Variants in TMEM132C observed in about 807,000 individuals in gnomAD.
TMEM132C encodes the protein transmembrane protein 132C.
Under a neutral mutation model 61.4 loss-of-function variants are expected in TMEM132C, and 29 were observed. The observed-to-expected ratio is 0.47, with a 90% CI of 0.35 to 0.64. The LOEUF is 0.64. Among genes scored for constraint, TMEM132C ranks in the 30% least tolerant of loss-of-function variants. The probability of loss-of-function intolerance (pLI) is 0.00; values close to 1 mark genes in which losing one functional copy is unlikely to be tolerated. For synonymous variants in TMEM132C, 656 were observed against 633.1 expected, an observed-to-expected ratio of 1.04 and a Z score of -0.54; for missense variants, 1,408 against 1,476.9, an observed-to-expected ratio of 0.95 and a Z score of 0.76.
Position 128,311,606 on chromosome 12 carries a change from A to C in TMEM132C, c.85+44119A>C, listed in dbSNP as rs983345884. Reference sequence around the variant, plus strand: ...GCCCAGAGGTGCGCTTAGCTCACCCACAGTACTTTCAGAACAGTTCTTTGT... The same window carrying C: ...GCCCAGAGGTGCGCTTAGCTCACCCCCAGTACTTTCAGAACAGTTCTTTGT... On this transcript the variant is annotated intron_variant, in intron 1 of 8. Coordinates refer to ENST00000435159, the MANE Select transcript of TMEM132C (RefSeq NM_001136103.3). 3.3e-5 allele frequency among the ~76,000 whole-genome samples: 5 copies of C among 152,344 alleles called. No homozygotes were observed. The East Asian group carries it at 9.7e-4, about 29-fold the overall frequency.
chr12:128,309,924 C>G (rs1378365061), intron 1 of TMEM132C, among the ~76,000 whole-genome samples: 1 of 151,914 alleles, frequency 6.6e-6, no homozygotes. Context: ...TTAGTAGAGA[C>G]GGGGTTTCAC....
At chr12:128,322,084 C>A (rs1872354151) in intron 1 of TMEM132C, among the ~76,000 whole-genome samples, 2 of 152,222 alleles carry the variant, frequency 1.3e-5, no homozygotes, top group Admixed American at 1.3e-4. Context: ...TCCTCTCGAA[C>A]CTGAGATGTT....
At chr12:128,406,080 T>G (rs1875334062) in intron 1 of TMEM132C, among the ~76,000 whole-genome samples, 1 of 152,200 alleles carries the variant, frequency 6.6e-6, no homozygotes, top group East Asian at 1.9e-4. Flanking sequence ...CCTTAACACC[T>G]CTGATGCACT....
intron 3 of TMEM132C, among the ~76,000 whole-genome samples, chr12:128,549,626 G>C (rs925462260): frequency 1.3e-5 from 2 of 152,142 alleles, no homozygotes; most frequent in Non-Finnish European, 2.9e-5. Flanking sequence ...GATACTTAAA[G>C]ACTGTCCCAA....
At chr12:128,633,778 G>A (rs1954080347) in intron 4 of TMEM132C, among the ~76,000 whole-genome samples, 1 of 152,156 alleles carries the variant, frequency 6.6e-6, no homozygotes, top group African/African-American at 2.4e-5. Flanking sequence ...TGAGTCAAGT[G>A]TGAGTGGAGA....
intron 1 of TMEM132C, among the ~76,000 whole-genome samples, chr12:128,396,155 A>G (rs139328852): frequency 9.0e-4 from 136 of 150,920 alleles, no homozygotes; most frequent in African/African-American, 2.8e-3. Context: ...AAGAAAACAT[A>G]ATTATTACAA....
intron 1 of TMEM132C, among the ~76,000 whole-genome samples, chr12:128,308,174 G>T (rs2135924607): frequency 6.6e-6 from 1 of 152,324 alleles, no homozygotes; most frequent in South Asian, 2.1e-4. Flanking sequence ...AGCAGCCTAT[G>T]GTTCTAGTGG....
chr12:128,607,930 G>T (rs914955452), intron 3 of TMEM132C, among the ~76,000 whole-genome samples: 1 of 152,100 alleles, frequency 6.6e-6, no homozygotes, highest in Non-Finnish European at 1.5e-5. Context: ...TTGTGGTCAC[G>T]CTCTCCCATA....
intron 8 of TMEM132C, among the ~76,000 whole-genome samples, chr12:128,701,030 G>A (rs139637177): frequency 6.5e-4 from 99 of 152,316 alleles, no homozygotes; most frequent in African/African-American, 2.3e-3. Flanking sequence ...AAGGGCAGCC[G>A]GAGCTCCTGT....
intron 4 of TMEM132C, among the ~76,000 whole-genome samples, chr12:128,620,556 C>A (rs1416738882): frequency 1.3e-5 from 2 of 152,150 alleles, no homozygotes; most frequent in African/African-American, 4.8e-5. Context: ...AAACAAAAAA[C>A]AAAGAAACTA....
At chr12:128,686,065 G>A (rs1566014933) in intron 5 of TMEM132C, among the ~76,000 whole-genome samples, 1 of 74,096 alleles carries the variant, frequency 1.3e-5, no homozygotes, top group African/African-American at 3.4e-5. Context: ...GTGTGTGTGT[G>A]CATGCGTGTG....
chr12:128,328,019 A>ACTTCCC (rs1872576614), intron 1 of TMEM132C, among the ~76,000 whole-genome samples: 1 of 151,950 alleles, frequency 6.6e-6, no homozygotes, highest in African/African-American at 2.4e-5. Context: ...TTGACCCCCC[A>ACTTCCC]CTTCCCGTTA....
chr12:128,661,548 T>C (rs1432694103), intron 4 of TMEM132C, among the ~76,000 whole-genome samples: 2 of 142,602 alleles, frequency 1.4e-5, no homozygotes, highest in African/African-American at 5.4e-5. Flanking sequence ...ACTTCTGGGA[T>C]GAGAAGATGC....
At chr12:128,551,217 C>G (rs12320780) in intron 3 of TMEM132C, among the ~76,000 whole-genome samples, 10 of 143,672 alleles carry the variant, frequency 7.0e-5, no homozygotes, top group East Asian at 1.9e-4. Flanking sequence ...GAGCCCCCCC[C>G]CTCCCGCTTC....
At chr12:128,290,829 C>T (rs921620093) in intron 1 of TMEM132C, among the ~76,000 whole-genome samples, 1 of 150,008 alleles carries the variant, frequency 6.7e-6, no homozygotes, top group African/African-American at 2.5e-5. Flanking sequence ...ATTCACTTTG[C>T]CTTCTGTGGC....
intron 2 of TMEM132C, among the ~76,000 whole-genome samples, chr12:128,417,338 C>T (rs1868815586): frequency 6.6e-6 from 1 of 152,168 alleles, no homozygotes; most frequent in South Asian, 2.1e-4. Flanking sequence ...AATGTAGTCT[C>T]TAGCGTCTAC....
At chr12:128,410,742 A>G (rs1164289536) in intron 1 of TMEM132C, among the ~76,000 whole-genome samples, 5 of 152,184 alleles carry the variant, frequency 3.3e-5, no homozygotes, top group Non-Finnish European at 5.9e-5. Context: ...GTTCTCTTAT[A>G]TAAGTATAGT....
At chr12:128,617,851 T>C (rs917895394) in intron 4 of TMEM132C, among the ~76,000 whole-genome samples, 2 of 152,202 alleles carry the variant, frequency 1.3e-5, no homozygotes, top group African/African-American at 4.8e-5. Flanking sequence ...ACCATAAAGA[T>C]CTGTAAACAC....
intron 4 of TMEM132C, among the ~76,000 whole-genome samples, chr12:128,643,887 C>T (rs1004870492): frequency 4.6e-5 from 7 of 151,602 alleles, no homozygotes; most frequent in Non-Finnish European, 1.0e-4. Flanking sequence ...AGTAATGGCT[C>T]GATGAACTTG....
Sources: gnomAD v4.1 joint callset for allele counts (sites outside exome capture counted in the v4.1 genomes callset) on GRCh38, gnomAD v4.1.1 for gene constraint, MANE v1.5 for transcripts, NCBI Gene and HGNC (gene_info 2026-07-23, HGNC 2026-07-21) for gene names.